The following ZNF385B variants were observed in gnomAD, a reference collection of about 807,000 sequenced individuals.
ZNF385B encodes zinc finger protein 385B.
ZNF385B carries 23 observed loss-of-function variants against 39.2 expected under a neutral mutation model. The ratio of observed to expected loss-of-function variants is 0.59; its 90% CI spans 0.42 to 0.83. ZNF385B has a LOEUF of 0.83. ZNF385B is among the 40% of genes least tolerant of loss of function. The probability of loss-of-function intolerance (pLI) is 0.00; values close to 1 mark genes in which losing one functional copy is unlikely to be tolerated. For synonymous variants in ZNF385B, 205 were observed against 222.6 expected, an observed-to-expected ratio of 0.92 and a Z score of 0.70; for missense variants, 552 against 598.9, an observed-to-expected ratio of 0.92 and a Z score of 0.82.
intron 5 of ZNF385B, among the ~76,000 whole-genome samples, chr2:179,515,087 T>G (rs72952297): frequency 0.061 from 9,336 of 152,254 alleles, 352 homozygotes; most frequent in South Asian, 0.11. Context: ...CTCAATATGT[T>G]TTTTAATATT....
chr2:179,856,441 G>A (rs919655197), intron 1 of ZNF385B, among the ~76,000 whole-genome samples: 1 of 151,980 alleles, frequency 6.6e-6, no homozygotes, highest in Non-Finnish European at 1.5e-5. Context: ...AGTGATACAG[G>A]AGCCCAGAAA....
intron 4 of ZNF385B, chr2:179,534,669 G>C (rs1277027857): frequency 1.3e-5 from 2 of 152,000 alleles, no homozygotes; most frequent in Non-Finnish European, 2.9e-5. Flanking sequence ...TCCTAGTCCG[G>C]TGCTTTTTTT....
At chr2:179,450,910 C>G (rs1369374835) in intron 6 of ZNF385B, among the ~76,000 whole-genome samples, 1 of 151,996 alleles carries the variant, frequency 6.6e-6, no homozygotes, top group Non-Finnish European at 1.5e-5. Flanking sequence ...CCATGGAATA[C>G]TATGCAGCCA....
intron 5 of ZNF385B, among the ~76,000 whole-genome samples, chr2:179,491,458 G>A (rs888789104): frequency 1.6e-4 from 25 of 152,096 alleles, no homozygotes; most frequent in Admixed American, 1.4e-3. Flanking sequence ...ATAAGAGGAG[G>A]CAAATCACAA....
chr2:179,521,338 C>T (rs999210724), intron 4 of ZNF385B, among the ~76,000 whole-genome samples: 1 of 149,250 alleles, frequency 6.7e-6, no homozygotes, highest in African/African-American at 2.5e-5. Context: ...AGGCACCCAC[C>T]ACCGCACCTG....
intron 1 of ZNF385B, among the ~76,000 whole-genome samples, chr2:179,784,469 A>G (rs753677021): frequency 2.0e-5 from 3 of 152,000 alleles, no homozygotes; most frequent in Non-Finnish European, 2.9e-5. Context: ...AACCCAAAAT[A>G]CAAACTAAAA....
intron 1 of ZNF385B, among the ~76,000 whole-genome samples, chr2:179,834,677 T>C (rs904370692): frequency 1.3e-5 from 2 of 152,184 alleles, no homozygotes; most frequent in Non-Finnish European, 2.9e-5. Context: ...CTAACCTCAT[T>C]AGGTGAAAGG....
At chr2:179,520,023 T>C (rs2058368712) in intron 4 of ZNF385B, among the ~76,000 whole-genome samples, 3 of 152,162 alleles carry the variant, frequency 2.0e-5, no homozygotes, top group Non-Finnish European at 4.4e-5. Context: ...TTATGGTGAT[T>C]TGGGACACTT....
intron 3 of ZNF385B, among the ~76,000 whole-genome samples, chr2:179,580,228 A>G (rs554927439): frequency 1.3e-5 from 2 of 152,264 alleles, no homozygotes; most frequent in Non-Finnish European, 2.9e-5. Context: ...TCACATTTTA[A>G]TTTCTTAACA....
chr2:179,642,021 C>T (rs896454391), intron 3 of ZNF385B, among the ~76,000 whole-genome samples: 7 of 152,124 alleles, frequency 4.6e-5, no homozygotes, highest in African/African-American at 1.7e-4. Flanking sequence ...AGCACAGCAT[C>T]TTGCAAGGGG....
At chr2:179,730,944 G>A (rs536360685) in intron 3 of ZNF385B, among the ~76,000 whole-genome samples, 1 of 152,242 alleles carries the variant, frequency 6.6e-6, no homozygotes, top group South Asian at 2.1e-4. Context: ...AGTTTACTGG[G>A]ACCTTTTTCC....
intron 3 of ZNF385B, among the ~76,000 whole-genome samples, chr2:179,555,154 G>A (rs2060824401): frequency 6.7e-6 from 1 of 149,752 alleles, no homozygotes; most frequent in African/African-American, 2.5e-5. Context: ...ATACAGCAAT[G>A]AGAACAAATG....
intron 3 of ZNF385B, among the ~76,000 whole-genome samples, chr2:179,555,733 G>A (rs1280785125): frequency 6.7e-6 from 1 of 148,906 alleles, no homozygotes; most frequent in Non-Finnish European, 1.5e-5. Flanking sequence ...AATTTAGGAA[G>A]TGAATAGGGG....
At chr2:179,522,902 CAAAT>C (rs927067498) in intron 4 of ZNF385B, 2 of 451,336 alleles carry the variant, frequency 4.4e-6, no homozygotes, top group East Asian at 7.3e-5. Context: ...TTATTGGTCT[CAAAT>C]AAGCCTCTTC....
At chr2:179,599,608 C>T (rs1688256191) in intron 3 of ZNF385B, among the ~76,000 whole-genome samples, 1 of 152,126 alleles carries the variant, frequency 6.6e-6, no homozygotes, top group African/African-American at 2.4e-5. Context: ...CATGGCCTTC[C>T]ATGTCGATAC....
intron 3 of ZNF385B, among the ~76,000 whole-genome samples, chr2:179,764,383 GT>G (rs201234465): frequency 0.054 from 8,040 of 150,116 alleles, 274 homozygotes; most frequent in Middle Eastern, 0.11. Context: ...ATATAGTTGG[GT>G]TTTTTTTTAA....
chr2:179,474,923 C>T (rs1437869434), intron 6 of ZNF385B, among the ~76,000 whole-genome samples: 1 of 152,112 alleles, frequency 6.6e-6, no homozygotes, highest in Non-Finnish European at 1.5e-5. Flanking sequence ...ACAACATATC[C>T]ATACTCCCTA....
At chr2:179,796,666 G>A (rs1705685707) in intron 1 of ZNF385B, among the ~76,000 whole-genome samples, 3 of 152,100 alleles carry the variant, frequency 2.0e-5, no homozygotes, top group South Asian at 4.1e-4. Context: ...TTATTTAGCC[G>A]AAATGCAAAT....
chr2:179,582,355 T>C (rs191965908), intron 3 of ZNF385B, among the ~76,000 whole-genome samples: 200 of 152,322 alleles, frequency 1.3e-3, no homozygotes, highest in African/African-American at 4.6e-3. Flanking sequence ...CCAGGACTTA[T>C]ATTTCATAAA....
Sources: gnomAD v4.1 joint callset for allele counts (sites outside exome capture counted in the v4.1 genomes callset) on GRCh38, gnomAD v4.1.1 for gene constraint, MANE v1.5 for transcripts, NCBI Gene and HGNC (gene_info 2026-07-23, HGNC 2026-07-21) for gene names.